The following C3 variants were observed in gnomAD, a reference collection of about 807,000 sequenced individuals.
The protein encoded by C3 is complement C3.
In C3, 97 loss-of-function variants were observed where a neutral mutation model predicts 207.9. That is an observed-to-expected ratio of 0.47 (90% CI 0.40 to 0.55). C3 has a LOEUF of 0.55. C3 is among the 20% of genes least tolerant of loss of function. The probability of loss-of-function intolerance (pLI) is 0.00; values close to 1 mark genes in which losing one functional copy is unlikely to be tolerated. For missense variants in C3, 1,684 were observed against 2,171.7 expected, an observed-to-expected ratio of 0.78 and a Z score of 4.46; for synonymous variants, 848 against 857.6, an observed-to-expected ratio of 0.99 and a Z score of 0.20.
rs1599503366 is a variant in C3 at position 6,689,332 on chromosome 19, C to CTCTT, written c.3489+1296_3489+1297insAAGA. ...CTCTCTCTCTCTCTCTACCTACCTCCCTCCCTCCCTCCCTCCCTCCCTCCC... is the reference window on the plus strand; with the variant it reads ...CTCTCTCTCTCTCTCTACCTACCTCCTCTTCTCCCTCCCTCCCTCCCTCCCTCCC... On this transcript the variant is annotated intron_variant, in intron 27 of 40. Coordinates refer to ENST00000245907, the MANE Select transcript of C3 (RefSeq NM_000064.4). 3.6e-4 allele frequency among the ~76,000 whole-genome samples: 16 copies of CTCTT among 44,542 alleles called. No individual in the cohort carries two copies. The East Asian group carries it at 5.0e-3, about 14-fold the overall frequency. 29.2% of individuals were successfully genotyped at this position (44,542 alleles called of 152,430 possible). A position where few individuals can be genotyped will look rare whatever the true frequency, so the allele number is the denominator to read the frequency against.
At chr19:6,708,641 C>T (rs1967840061) in intron 14 of C3, among the ~76,000 whole-genome samples, 1 of 104,462 alleles carries the variant, frequency 9.6e-6, no homozygotes, top group Non-Finnish European at 2.0e-5. Context: ...CTTTTTCTTT[C>T]TCTCTGTTTC....
chr19:6,719,317 G>A lies in C3; in HGVS notation c.161C>T (p.Pro54Leu). The stretch of plus-strand genomic sequence containing the variant: ...GAAGTCGTGGACAGTAACAGTGACT[G>A]GAACATCCCCTTGCGCGTCGTGGGC... ...LEAHDAQGDV[P>L]VTVTVHDFPG... Residue 54 changes from proline (P) to leucine (L), a missense_variant, in exon 2 of 41, where the codon CCA (proline) becomes CTA (leucine). Pro to Leu is a moderately conservative substitution (Grantham distance 98). This residue lies in a region of C3 where 1,280 missense variants were observed against 1,739.1 expected (regional missense o/e 0.74). Coordinates refer to ENST00000245907, the MANE Select transcript of C3 (RefSeq NM_000064.4). The surrounding 1 kb of genome is among the most constrained non-coding windows in gnomAD (Gnocchi z 5.4). 6.2e-7 allele frequency: 1 copy of A among 1,614,038 alleles called. No homozygotes were observed. The highest frequency in any genetic ancestry group is 8.5e-7 in the Non-Finnish European group (1 of 1,179,954).
intron 19 of C3, among the ~76,000 whole-genome samples, chr19:6,698,347 T>C (rs1163874037): frequency 6.6e-6 from 1 of 151,974 alleles, no homozygotes. Context: ...TACATTCTGT[T>C]TGTAGTTTGA....
Position 6,690,686 on chromosome 19 carries a change from C to G in C3, c.3432G>C (p.Thr1144=), listed in dbSNP as rs761564977. The part of the protein sequence containing the change: ...RNNNEKDMAL[T]AFVLISLQEA... Reference sequence around the variant, plus strand: ...CCTGCAGCGAGATGAGAACAAAGGCCGTGAGGGCCATGTCTTTCTCGTTGT... The same window carrying G: ...CCTGCAGCGAGATGAGAACAAAGGCGGTGAGGGCCATGTCTTTCTCGTTGT... The change falls in exon 27 of 41, where the codon ACG becomes ACC. Residue 1144 remains threonine, a synonymous_variant. Coordinates refer to ENST00000245907, the MANE Select transcript of C3 (RefSeq NM_000064.4). 1 of 1,614,190 alleles carries G rather than the reference C, an allele frequency of 6.2e-7. No individual in the cohort carries two copies. Among genetic ancestry groups the G allele is most frequent in the Admixed American group, 1.7e-5 (1 of 60,026 alleles).
intron 15 of C3, 72 bp downstream of exon 15, chr19:6,707,728 G>A: frequency 2.5e-6 from 4 of 1,604,172 alleles, no homozygotes. Flanking sequence ...CCGGTTTCCA[G>A]AGCTCTGCTC....
rs1383099095 is a variant in C3, at chr19:6,697,473, G to C, written c.2667C>G (p.Pro889=). 1 of 1,613,940 alleles carries C rather than the reference G, an allele frequency of 6.2e-7. No individual in the cohort carries two copies. Among genetic ancestry groups the C allele is most frequent in the East Asian group, 2.2e-5 (1 of 44,898 alleles). The change falls in exon 21 of 41, where the codon CCC becomes CCG. Residue 889 remains proline, a synonymous_variant. Coordinates refer to ENST00000245907, the MANE Select transcript of C3 (RefSeq NM_000064.4). Reference sequence around the variant, plus strand: ...ATGGAACGGACAACGAGGACTTGGGGGGGATGGTTACGGTCTGCTGGTGAC... The same window carrying C: ...ATGGAACGGACAACGAGGACTTGGGCGGGATGGTTACGGTCTGCTGGTGAC... ...KRRHQQTVTI[P]PKSSLSVPYV...
rs1317939587 is a variant in C3, at chr19:6,700,650, A to G, written c.2440+1477T>C. 7.4e-3 allele frequency among the ~76,000 whole-genome samples: 124 copies of G among 16,716 alleles called. No homozygotes were observed. In the East Asian group the frequency reaches 0.14, roughly 19 times the overall value. 11.0% of individuals were successfully genotyped at this position (16,716 alleles called of 152,430 possible). A position where few individuals can be genotyped will look rare whatever the true frequency, so the allele number is the denominator to read the frequency against. ...ATATGATATATTATATATGTAATAT[A>G]TAATATATGATATATTATATATGTA... On this transcript the variant is annotated intron_variant, in intron 19 of 40. Coordinates refer to ENST00000245907, the MANE Select transcript of C3 (RefSeq NM_000064.4).
Position 6,694,473 on chromosome 19 carries a change from C to T in C3, c.3112G>A (p.Gly1038Ser), listed in dbSNP as rs1918256612. Residue 1038 changes from glycine to serine, a missense_variant, in exon 24 of 41, where the codon GGC becomes AGC. Transcript: ENST00000245907. ...AAGGCCCCCTGCCGCTTCTCTAGGCCGAACTTCTCCCACTGCTCCGTTTCA... is the reference window on the plus strand; with the variant it reads ...AAGGCCCCCTGCCGCTTCTCTAGGCTGAACTTCTCCCACTGCTCCGTTTCA... ...LDETEQWEKF[G>S]LEKRQGALEL... 4 of 1,614,132 alleles carry T rather than the reference C, an allele frequency of 2.5e-6. No homozygotes were observed. The highest frequency in any genetic ancestry group is 4.5e-5 in the East Asian group (2 of 44,884).
rs747215227 is a variant in C3, at chr19:6,703,945, T to TCAAA, written c.2246-1370_2246-1367dup. On this transcript the variant is annotated intron_variant, in intron 17 of 40. Transcript: ENST00000245907. ...CCTGGCGACAGAGCGAGACTCCCTC[T>TCAAA]CAAACAAACAAACAAACAAACAAAA... is the stretch of plus-strand genomic sequence containing the variant. Among the ~76,000 whole-genome samples, 253 of 150,740 alleles carry TCAAA rather than the reference T, an allele frequency of 1.7e-3. 1 individual carries two copies. Among genetic ancestry groups the TCAAA allele is most frequent in the Middle Eastern group, 7.1e-3 (2 of 282 alleles).
intron 17 of C3, among the ~76,000 whole-genome samples, chr19:6,704,449 AAAAAAT>A (rs1967732238): frequency 6.6e-6 from 1 of 152,146 alleles, no homozygotes; most frequent in South Asian, 2.1e-4. Context: ...GGAATCCCTT[AAAAAAT>A]ATATATATTT....
In C3 at chr19:6,713,461, C is replaced by G. The variant is rs1234787376; in HGVS notation, c.822G>C (p.Gly274=). ...AAATCCTCTGTTCGCCATCCTGGAT[C>G]CCGAAGATGACAAAGGCAGTTCCCT... The part of the protein sequence containing the change: ...KVEGTAFVIF[G]IQDGEQRISL... The change falls in exon 8 of 41, where the codon GGG becomes GGC. Residue 274 remains glycine, a synonymous_variant. Transcript: ENST00000245907. 2 of 1,613,904 alleles carry G rather than the reference C, an allele frequency of 1.2e-6. No individual in the cohort carries two copies. Among genetic ancestry groups the G allele is most frequent in the East Asian group, 4.5e-5 (2 of 44,864 alleles).
intron 36 of C3, 99 bp from the exon 37 acceptor site, chr19:6,679,595 G>GTCTGA: frequency 3.6e-6 from 3 of 825,604 alleles, no homozygotes; most frequent in Non-Finnish European, 6.4e-6. Flanking sequence ...TTCAGACCTG[G>GTCTGA]AGATGCTAGG....
chr19:6,702,740 T>C lies in C3; in HGVS notation c.2246-161A>G, dbSNP rs1389350713. On this transcript the variant is annotated intron_variant, in intron 17 of 40. Transcript: ENST00000245907. ...TGGTGAAACCCATCTCTACTAAAAA[T>C]ACAAAAATTAAGGCTGGGCACGGTG... 3 of 641,520 alleles carry C rather than the reference T, an allele frequency of 4.7e-6. No homozygotes were observed. In the Admixed American group the frequency reaches 6.6e-5, roughly 14 times the overall value. The allele number at this position is 641,520 out of a possible 1,614,324, so 39.7% of individuals were successfully genotyped here. A position where few individuals can be genotyped will look rare whatever the true frequency, so the allele number is the denominator to read the frequency against.
At chr19:6,697,867 T>A in intron 19 of C3, 73 bp from the exon 20 acceptor site, 2 of 1,486,186 alleles carry the variant, frequency 1.3e-6, no homozygotes, top group Non-Finnish European at 1.8e-6. Context: ...GGGTCTCAGC[T>A]CTTAGTCCAC....
intron 27 of C3, among the ~76,000 whole-genome samples, chr19:6,689,344 CCT>C (rs1918104218): frequency 1.8e-5 from 1 of 55,560 alleles, no homozygotes; most frequent in African/African-American, 9.7e-5. Context: ...TCCCTCCCTC[CCT>C]CCCTCCCTCC....
chr19:6,698,443 G>A (rs11569470), intron 19 of C3, among the ~76,000 whole-genome samples: 17,071 of 152,250 alleles, frequency 0.11, 1,184 homozygotes, highest in Non-Finnish European at 0.14. Context: ...GTGGGGGAGC[G>A]CTGAGCACTT....
chr19:6,706,177 T>C (rs904326651), intron 17 of C3, among the ~76,000 whole-genome samples: 1 of 152,250 alleles, frequency 6.6e-6, no homozygotes, highest in African/African-American at 2.4e-5. Flanking sequence ...GAACTCACCT[T>C]AGCTTTCCCA....
intron 9 of C3, among the ~76,000 whole-genome samples, chr19:6,712,840 C>A (rs1326185765): frequency 6.6e-6 from 1 of 152,044 alleles, no homozygotes; most frequent in South Asian, 2.1e-4. Context: ...GCCTGTGACC[C>A]CCATCAGACC....
In C3 at chr19:6,714,478, A is replaced by G. The variant is rs188192816; in HGVS notation, c.505-32T>C. 8.3e-4 allele frequency: 1,267 copies of G among 1,529,938 alleles called. 6 individuals carry two copies. The Admixed American group carries it at 0.011, about 13-fold the overall frequency. The allele number at this position is 1,529,938 out of a possible 1,614,324, so 94.8% of individuals were successfully genotyped here. On this transcript the variant is annotated intron_variant, in intron 4 of 40. Coordinates refer to ENST00000245907, the MANE Select transcript of C3 (RefSeq NM_000064.4). ...GAGGCAGGAGGGAAGGATAGAGGAT[A>G]AAGTGGCTCTTCGGAGGCTGGGCTT... is the stretch of plus-strand genomic sequence containing the variant.
Sources: gnomAD v4.1 joint callset for allele counts (sites outside exome capture counted in the v4.1 genomes callset) on GRCh38, gnomAD v4.1.1 for gene constraint, gnomAD v4.1.1 regional missense constraint, Gnocchi (gnomAD v3.1) non-coding constraint, MANE v1.5 for transcripts, NCBI Gene and HGNC (gene_info 2026-07-23, HGNC 2026-07-21) for gene names.